INSC: variants seen among roughly 807,000 people sequenced by gnomAD.
The protein encoded by INSC is protein inscuteable homolog.
In INSC, 67 loss-of-function variants were observed where a neutral mutation model predicts 58.6. The ratio of observed to expected loss-of-function variants is 1.14; its 90% CI spans 0.94 to 1.40. INSC has a LOEUF of 1.40. Among genes scored for constraint, INSC ranks in the 40% most tolerant of loss-of-function variants. The probability of loss-of-function intolerance (pLI) is 0.00; values close to 1 mark genes in which losing one functional copy is unlikely to be tolerated. For synonymous variants in INSC, 262 were observed against 276.1 expected (o/e 0.95, Z 0.51); for missense variants, 714 against 692.0 (o/e 1.03, Z -0.36).
At chr11:15,263,223 G>A in the INSC span, among the ~76,000 whole-genome samples, 2 of 152,090 alleles carry the variant, frequency 1.3e-5, no homozygotes, top group Non-Finnish European at 2.9e-5. Flanking sequence ...ATTGAACACA[G>A]CGTTAACAGG....
At chr11:15,119,244 A>AT (rs1420861710) in intron 1 of INSC, among the ~76,000 whole-genome samples, 1 of 152,180 alleles carries the variant, frequency 6.6e-6, no homozygotes, top group Non-Finnish European at 1.5e-5. Context: ...CAGGGATTGA[A>AT]GGGGTGGGAA....
intron 7 of INSC, among the ~76,000 whole-genome samples, chr11:15,207,178 A>C (rs1406903279): frequency 6.6e-6 from 1 of 152,080 alleles, no homozygotes; most frequent in Non-Finnish European, 1.5e-5. Context: ...GGCCAAAAGG[A>C]GTGGGGGGCA....
intron 12 of INSC, 119 bp from the exon 13 acceptor site, chr11:15,245,793 C>A (rs1852539347): frequency 1.5e-6 from 2 of 1,364,730 alleles, no homozygotes; most frequent in South Asian, 1.4e-5. Context: ...GATGATCAAC[C>A]CAAATTGTCT....
intron 7 of INSC, among the ~76,000 whole-genome samples, chr11:15,210,728 G>C (rs1028096871): frequency 5.3e-5 from 8 of 152,092 alleles, no homozygotes; most frequent in African/African-American, 1.9e-4. Flanking sequence ...ATGGGACAAG[G>C]TACAGAGGTG....
At chr11:15,168,735 G>A (rs921394485) in intron 2 of INSC, among the ~76,000 whole-genome samples, 2 of 152,170 alleles carry the variant, frequency 1.3e-5, no homozygotes, top group African/African-American at 4.8e-5. Flanking sequence ...ACAAACTTAT[G>A]TTGTTAAAAG....
intron 2 of INSC, among the ~76,000 whole-genome samples, chr11:15,157,624 C>T (rs759177965): frequency 3.3e-5 from 5 of 152,100 alleles, no homozygotes; most frequent in Admixed American, 6.5e-5. Flanking sequence ...AGAGAGTCAG[C>T]GAGCTAATGA....
At chr11:15,116,147 G>A (rs572203801) in intron 1 of INSC, among the ~76,000 whole-genome samples, 39 of 152,262 alleles carry the variant, frequency 2.6e-4, no homozygotes, top group African/African-American at 8.9e-4. Context: ...AGCACTGTTC[G>A]CCCTTTTAGA....
chr11:15,118,429 T>C (rs1039891775), intron 1 of INSC, among the ~76,000 whole-genome samples: 2 of 152,178 alleles, frequency 1.3e-5, no homozygotes, highest in Non-Finnish European at 2.9e-5. Context: ...AAAGAATGAT[T>C]AGAATAACTT....
At chr11:15,128,459 C>T (rs1329385990) in intron 1 of INSC, among the ~76,000 whole-genome samples, 4 of 152,048 alleles carry the variant, frequency 2.6e-5, no homozygotes, top group South Asian at 2.1e-4. Flanking sequence ...ATTATTATCC[C>T]CAGTTTGCAA....
chr11:15,204,051 C>T (rs761687415), intron 7 of INSC, among the ~76,000 whole-genome samples: 1 of 152,146 alleles, frequency 6.6e-6, no homozygotes, highest in Non-Finnish European at 1.5e-5. Flanking sequence ...ACTCTCTGGC[C>T]ATCTATAGAA....
chr11:15,207,973 C>T (rs941198263), intron 7 of INSC, among the ~76,000 whole-genome samples: 7 of 152,096 alleles, frequency 4.6e-5, no homozygotes, highest in Non-Finnish European at 1.0e-4. Context: ...GCTCCTAATC[C>T]TAAGTGTGCC....
At chr11:15,225,346 G>A (rs763659108) in intron 8 of INSC, among the ~76,000 whole-genome samples, 11 of 152,170 alleles carry the variant, frequency 7.2e-5, no homozygotes, top group Non-Finnish European at 1.5e-4. Flanking sequence ...ACAAAGGCAA[G>A]GACCTGACCT....
chr11:15,163,699 T>C (rs1032867868), intron 2 of INSC, among the ~76,000 whole-genome samples: 1 of 152,224 alleles, frequency 6.6e-6, no homozygotes, highest in African/African-American at 2.4e-5. Context: ...GTTCAAGCGA[T>C]TCCCCTGCCT....
In INSC at chr11:15,216,514, C is replaced by A. The variant is rs1229441666; in HGVS notation, c.820-4963C>A. ...TCACTGCCCAGGTCAGCACCTATCACAATGTAGGTGCTCAGGAAATGTTTA... is the reference window on the plus strand; with the variant it reads ...TCACTGCCCAGGTCAGCACCTATCAAAATGTAGGTGCTCAGGAAATGTTTA... On this transcript the variant is annotated intron_variant, in intron 7 of 12. Coordinates refer to ENST00000379556, the MANE Select transcript of INSC (RefSeq NM_001042536.3). 2.0e-5 allele frequency among the ~76,000 whole-genome samples: 3 copies of A among 152,292 alleles called. No individual in the cohort carries two copies. The South Asian group carries it at 6.2e-4, about 32-fold the overall frequency.
chr11:15,240,264 G>T (rs1852292674), intron 11 of INSC, among the ~76,000 whole-genome samples, 183 bp from the exon 12 acceptor site: 1 of 152,132 alleles, frequency 6.6e-6, no homozygotes, highest in Non-Finnish European at 1.5e-5. Context: ...TCTTCAGCTT[G>T]GCCTGACCCT....
At chr11:15,226,192 A>G (rs1231320546) in intron 9 of INSC, among the ~76,000 whole-genome samples, 1 of 152,018 alleles carries the variant, frequency 6.6e-6, no homozygotes, top group Non-Finnish European at 1.5e-5. Context: ...GGAGGCGGAA[A>G]GACCCATGGA....
chr11:15,140,358 C>G (rs1224981099), intron 1 of INSC, among the ~76,000 whole-genome samples: 7 of 152,186 alleles, frequency 4.6e-5, no homozygotes, highest in Admixed American at 4.6e-4. Context: ...TGCAAGCGTA[C>G]TTGCGCTTTC....
At chr11:15,198,154 C>T (rs1288351485) in intron 6 of INSC, among the ~76,000 whole-genome samples, 2 of 152,156 alleles carry the variant, frequency 1.3e-5, no homozygotes, top group African/African-American at 4.8e-5. Context: ...ATCAGGAAGC[C>T]TCACATAGCC....
intron 2 of INSC, among the ~76,000 whole-genome samples, chr11:15,152,183 G>C (rs1178421311): frequency 6.6e-6 from 1 of 152,152 alleles, no homozygotes; most frequent in African/African-American, 2.4e-5. Flanking sequence ...ACCATCTTTA[G>C]GATCAATGCC....
Sources: allele counts gnomAD v4.1 joint callset (sites outside exome capture counted in the v4.1 genomes callset), GRCh38; gene constraint gnomAD v4.1.1; transcripts MANE v1.5; gene names NCBI Gene and HGNC (gene_info 2026-07-23, HGNC 2026-07-21).